FRMD6: variants seen among roughly 807,000 people sequenced by gnomAD.
The protein encoded by FRMD6 is FERM domain containing 6, also known as FERM domain-containing protein 6.
Under a neutral mutation model 73.2 loss-of-function variants are expected in FRMD6, and 37 were observed. The ratio of observed to expected loss-of-function variants is 0.51; its 90% confidence interval spans 0.39 to 0.66. FRMD6 has a LOEUF of 0.66. FRMD6 is among the 30% of genes least tolerant of loss of function. The pLI is 0.00. For missense variants in FRMD6, 714 were observed against 780.5 expected, an observed-to-expected ratio of 0.91 and a Z score of 1.02; for synonymous variants, 273 against 282.2, an observed-to-expected ratio of 0.97 and a Z score of 0.33.
intron 2 of FRMD6, among the ~76,000 whole-genome samples, chr14:51,576,820 T>G (rs980980528): frequency 6.6e-6 from 1 of 152,218 alleles, no homozygotes; most frequent in African/African-American, 2.4e-5. Flanking sequence ...AAATGTTGTA[T>G]GGAAGACAGG....
chr14:51,617,290 A>G (rs1890752971), intron 2 of FRMD6, among the ~76,000 whole-genome samples: 1 of 152,166 alleles, frequency 6.6e-6, no homozygotes, highest in Admixed American at 6.5e-5. Context: ...AGATTTTACT[A>G]CTGAACAGCA....
At chr14:51,475,362 C>T in the FRMD6 span, among the ~76,000 whole-genome samples, 2 of 152,132 alleles carry the variant, frequency 1.3e-5, no homozygotes, top group African/African-American at 2.4e-5. Flanking sequence ...TCCTCTTTGC[C>T]ATAGAGTTAG....
chr14:51,720,034 A>G, intron 10 of FRMD6, 21 bp from the exon 11 acceptor site: 1 of 1,585,666 alleles, frequency 6.3e-7, no homozygotes. Context: ...TGGTTAATGA[A>G]CTGTGTTCCC....
chr14:51,696,492 T>C (rs1281385020), intron 2 of FRMD6, among the ~76,000 whole-genome samples: 2 of 151,924 alleles, frequency 1.3e-5, no homozygotes, highest in African/African-American at 2.4e-5. Context: ...ACTTTTGACT[T>C]GTCAGAATAA....
the FRMD6 span, among the ~76,000 whole-genome samples, chr14:51,466,675 C>T: frequency 2.6e-5 from 4 of 152,120 alleles, no homozygotes; most frequent in African/African-American, 4.8e-5. Context: ...TAAAAGAAAG[C>T]TAAGTACTCC....
chr14:51,516,448 G>T (rs1241585940), intron 1 of FRMD6, among the ~76,000 whole-genome samples: 2 of 152,212 alleles, frequency 1.3e-5, no homozygotes, highest in African/African-American at 4.8e-5. Context: ...AGGGCAGAGA[G>T]AAGCCAACAC....
the FRMD6 span, among the ~76,000 whole-genome samples, chr14:51,402,889 C>T: frequency 2.0e-5 from 3 of 152,170 alleles, no homozygotes; most frequent in African/African-American, 7.2e-5. Flanking sequence ...TCGTCCACCT[C>T]AGCCTCCCAA....
intron 1 of FRMD6, among the ~76,000 whole-genome samples, chr14:51,660,082 C>A (rs1002595331): frequency 1.3e-5 from 2 of 152,154 alleles, no homozygotes; most frequent in African/African-American, 2.4e-5. Flanking sequence ...CCAGATAACC[C>A]AGTTCCCCGT....
At chr14:51,480,363 T>C in the FRMD6 span, among the ~76,000 whole-genome samples, 13 of 152,154 alleles carry the variant, frequency 8.5e-5, no homozygotes, top group African/African-American at 3.1e-4. Context: ...GGATCACAGT[T>C]TATAGCCAGG....
At chr14:51,556,601 C>T (rs961498868) in intron 1 of FRMD6, among the ~76,000 whole-genome samples, 4 of 152,100 alleles carry the variant, frequency 2.6e-5, no homozygotes, top group South Asian at 2.1e-4. Flanking sequence ...GGGAGGGAGG[C>T]GACAGGGGTA....
At chr14:51,720,585 T>C in intron 11 of FRMD6, 195 bp downstream of exon 11, 1 of 593,962 alleles carries the variant, frequency 1.7e-6, no homozygotes, top group South Asian at 2.0e-5. Context: ...CTAGTTGTGA[T>C]CCTTTGCGGC....
rs202177549 is a variant in FRMD6 at position 51,558,483 on chromosome 14, C to CA, written c.-209-11859dup. ...ACTGTCTCAAAAAAAAAACAAAAAA[C>CA]AAAAAACAAAACTAAATGAGCAAAT... On this transcript the variant is annotated intron_variant, in intron 1 of 14. Transcript: ENST00000356218. 4.0e-3 allele frequency among the ~76,000 whole-genome samples: 564 copies of CA among 142,242 alleles called. 1 individual carries two copies. Among genetic ancestry groups the CA allele is most frequent in the Non-Finnish European group, 5.3e-3 (346 of 65,028 alleles). The allele number at this position is 142,242 out of a possible 152,430, so 93.3% of individuals were successfully genotyped here.
chr14:51,701,218 G>C, intron 4 of FRMD6, 59 bp downstream of exon 4: 1 of 998,194 alleles, frequency 1.0e-6, no homozygotes, highest in East Asian at 2.7e-5. Context: ...GTTTATTTTA[G>C]CTGTTATACA....
At chr14:51,661,747 G>T (rs1394078831) in intron 1 of FRMD6, among the ~76,000 whole-genome samples, 1 of 152,228 alleles carries the variant, frequency 6.6e-6, no homozygotes, top group Non-Finnish European at 1.5e-5. Context: ...GACAAGAGCT[G>T]TGTCACTGGA....
the FRMD6 span, among the ~76,000 whole-genome samples, chr14:51,434,869 A>C: frequency 1.0e-3 from 158 of 152,340 alleles, no homozygotes; most frequent in African/African-American, 3.5e-3. Flanking sequence ...GAAGGGCACA[A>C]CATCTCCTCT....
At chr14:51,695,598 A>C (rs1490816786) in intron 2 of FRMD6, among the ~76,000 whole-genome samples, 1 of 152,206 alleles carries the variant, frequency 6.6e-6, no homozygotes, top group Non-Finnish European at 1.5e-5. Context: ...ATCTCTAGTC[A>C]TGGAACAGAA....
chr14:51,584,551 T>C (rs1412944852), intron 2 of FRMD6, among the ~76,000 whole-genome samples: 1 of 152,200 alleles, frequency 6.6e-6, no homozygotes, highest in Non-Finnish European at 1.5e-5. Context: ...GTTGGCTTTA[T>C]TATAATTACT....
chr14:51,644,543 T>C (rs1407674805), intron 2 of FRMD6, among the ~76,000 whole-genome samples: 1 of 152,220 alleles, frequency 6.6e-6, no homozygotes, highest in African/African-American at 2.4e-5. Context: ...GAAGCTTAAA[T>C]TCTAAAAGGA....
At chr14:51,698,384 T>C (rs886882592) in intron 3 of FRMD6, 152 bp downstream of exon 3, 12 of 433,916 alleles carry the variant, frequency 2.8e-5, no homozygotes, top group Non-Finnish European at 4.9e-5. Flanking sequence ...AGGTGTAGTA[T>C]TTAATTTTTT....
Sources: allele counts gnomAD v4.1 joint callset (sites outside exome capture counted in the v4.1 genomes callset), GRCh38; gene constraint gnomAD v4.1.1; transcripts MANE v1.5; gene names NCBI Gene and HGNC (gene_info 2026-07-23, HGNC 2026-07-21).